NRG3: variants seen among roughly 807,000 people sequenced by gnomAD.
NRG3 encodes the protein pro-neuregulin-3, membrane-bound isoform.
In NRG3, 31 loss-of-function variants were observed where a neutral mutation model predicts 66.9. The observed-to-expected ratio is 0.46, with a 90% CI of 0.35 to 0.63. NRG3 has a LOEUF of 0.63. Among genes scored for constraint, NRG3 ranks in the 20% least tolerant of loss-of-function variants. The pLI is 0.00. For synonymous variants in NRG3, 393 were observed against 359.4 expected, an observed-to-expected ratio of 1.09 and a Z score of -1.06; for missense variants, 910 against 878.9, an observed-to-expected ratio of 1.04 and a Z score of -0.45.
intron 3 of NRG3, among the ~76,000 whole-genome samples, chr10:82,761,876 CTTCT>C (rs1179524592): frequency 5.3e-5 from 8 of 150,480 alleles, no homozygotes; most frequent in Middle Eastern, 3.5e-3. Context: ...TCCTTTTTTT[CTTCT>C]TTCTTCCTTT....
intron 2 of NRG3, among the ~76,000 whole-genome samples, chr10:82,479,761 A>G (rs1353013206): frequency 1.3e-5 from 2 of 151,342 alleles, no homozygotes; most frequent in Non-Finnish European, 2.9e-5. Flanking sequence ...AGGTCAGGAG[A>G]TTGAGACCAT....
intron 1 of NRG3, among the ~76,000 whole-genome samples, chr10:81,918,698 G>C (rs1322576995): frequency 6.6e-6 from 1 of 151,890 alleles, no homozygotes; most frequent in Non-Finnish European, 1.5e-5. Flanking sequence ...GGCAAATGAG[G>C]ACTTGCTGAT....
intron 1 of NRG3, among the ~76,000 whole-genome samples, chr10:81,949,453 C>A (rs925581441): frequency 1.3e-5 from 2 of 152,126 alleles, no homozygotes; most frequent in Non-Finnish European, 2.9e-5. Flanking sequence ...AAGGGCATAG[C>A]CACCGTCACC....
At chr10:82,423,545 T>G (rs1019101035) in intron 2 of NRG3, among the ~76,000 whole-genome samples, 4 of 151,920 alleles carry the variant, frequency 2.6e-5, no homozygotes, top group Non-Finnish European at 5.9e-5. Flanking sequence ...GCAATTTTTT[T>G]TTCTGAATCC....
chr10:82,347,272 G>C (rs2083092443), intron 1 of NRG3, among the ~76,000 whole-genome samples: 1 of 149,126 alleles, frequency 6.7e-6, no homozygotes, highest in Non-Finnish European at 1.5e-5. Flanking sequence ...TTGTGTCTTT[G>C]TTCTCGTTGG....
chr10:82,283,919 A>G (rs1472789659), intron 1 of NRG3, among the ~76,000 whole-genome samples: 1 of 152,220 alleles, frequency 6.6e-6, no homozygotes, highest in East Asian at 1.9e-4. Context: ...TGAAGCTTTG[A>G]TAATGATTTG....
intron 1 of NRG3, among the ~76,000 whole-genome samples, chr10:82,113,536 G>A (rs1454033031): frequency 6.6e-6 from 1 of 152,182 alleles, no homozygotes; most frequent in East Asian, 1.9e-4. Context: ...ATGAAAAACT[G>A]AGAGACTGAG....
chr10:82,021,301 G>T (rs962567416), intron 1 of NRG3, among the ~76,000 whole-genome samples: 11 of 151,900 alleles, frequency 7.2e-5, no homozygotes, highest in African/African-American at 2.7e-4. Flanking sequence ...TTGATTTTTA[G>T]GTACTTTTTA....
chr10:82,813,489 C>T (rs1325355450), intron 3 of NRG3, among the ~76,000 whole-genome samples: 1 of 152,138 alleles, frequency 6.6e-6, no homozygotes, highest in African/African-American at 2.4e-5. Flanking sequence ...GGTGGGATTA[C>T]AGATGTGAGC....
At chr10:81,939,195 A>G (rs764953818) in intron 1 of NRG3, among the ~76,000 whole-genome samples, 1 of 151,978 alleles carries the variant, frequency 6.6e-6, no homozygotes, top group Non-Finnish European at 1.5e-5. Flanking sequence ...GGATTTTTGC[A>G]TCAATATTTA....
At chr10:82,199,849 GCTAT>G (rs1169569632) in intron 1 of NRG3, among the ~76,000 whole-genome samples, 2 of 149,180 alleles carry the variant, frequency 1.3e-5, no homozygotes, top group African/African-American at 5.0e-5. Context: ...TCTGATGCCC[GCTAT>G]CTGTGTTATT....
At chr10:82,579,056 T>G (rs1358213259) in intron 2 of NRG3, among the ~76,000 whole-genome samples, 1 of 151,856 alleles carries the variant, frequency 6.6e-6, no homozygotes, top group Non-Finnish European at 1.5e-5. Context: ...TTACTTTGAT[T>G]GTAACTTGGT....
chr10:81,898,039 A>G (rs976400760), intron 1 of NRG3, among the ~76,000 whole-genome samples: 1 of 152,164 alleles, frequency 6.6e-6, no homozygotes, highest in Admixed American at 6.5e-5. Context: ...AGTAGTTTTT[A>G]TAAAGTTCCC....
intron 1 of NRG3, among the ~76,000 whole-genome samples, chr10:82,123,819 A>T: frequency 6.7e-6 from 1 of 149,796 alleles, no homozygotes; most frequent in Non-Finnish European, 1.5e-5. Context: ...CCCACCCCAG[A>T]GCTCTGGAGC....
At chr10:82,362,548 G>GTTTTTTTTTTTTTTTTTTTTTTTTTT (rs10694679) in intron 2 of NRG3, among the ~76,000 whole-genome samples, 7 of 83,202 alleles carry the variant, frequency 8.4e-5, no homozygotes, top group African/African-American at 3.0e-4. Context: ...TAATTTCTGG[G>GTTTTTTTTTTTTTTTTTTTTTTTTTT]TTTTTTTTTT....
chr10:82,941,609 CA>C (rs1366120014), intron 4 of NRG3, among the ~76,000 whole-genome samples: 1 of 152,094 alleles, frequency 6.6e-6, no homozygotes, highest in African/African-American at 2.4e-5. Flanking sequence ...AAAATGAGGA[CA>C]AAAAAGTCAG....
intron 3 of NRG3, among the ~76,000 whole-genome samples, chr10:82,744,322 C>T (rs1565267905): frequency 6.6e-6 from 1 of 152,122 alleles, no homozygotes; most frequent in African/African-American, 2.4e-5. Flanking sequence ...ATTTATTTCT[C>T]ACTATTGTGA....
intron 2 of NRG3, among the ~76,000 whole-genome samples, chr10:82,507,793 A>G (rs1404374188): frequency 6.6e-6 from 1 of 152,232 alleles, no homozygotes. Flanking sequence ...AGGAAGGGGA[A>G]CATATACATA....
At chr10:82,200,717 C>A (rs2074756185) in intron 1 of NRG3, among the ~76,000 whole-genome samples, 1 of 152,134 alleles carries the variant, frequency 6.6e-6, no homozygotes, top group Admixed American at 6.5e-5. Context: ...CTGTTACTCT[C>A]CGAAGGCCTT....
Sources: gnomAD v4.1 joint callset for allele counts (sites outside exome capture counted in the v4.1 genomes callset) on GRCh38, gnomAD v4.1.1 for gene constraint, MANE v1.5 for transcripts, NCBI Gene and HGNC (gene_info 2026-07-23, HGNC 2026-07-21) for gene names.